Variants in UBE3A observed in about 807,000 individuals in gnomAD.
The protein encoded by UBE3A is ubiquitin-protein ligase E3A.
UBE3A carries 6 observed loss-of-function variants against 83.4 expected under a neutral mutation model. That is an observed-to-expected ratio of 0.07 (90% confidence interval 0.04 to 0.14). The LOEUF (loss-of-function observed/expected upper bound fraction) is 0.14, where lower values mean the gene tolerates loss of function less well. UBE3A is among the 10% of genes least tolerant of loss of function. The pLI is 1.00. For synonymous variants in UBE3A, 337 were observed against 355.4 expected, an observed-to-expected ratio of 0.95 and a Z score of 0.58; for missense variants, 456 against 1,036.1, an observed-to-expected ratio of 0.44 and a Z score of 7.69.
At chr15:25,433,232 G>A (rs912518165) in intron 1 of UBE3A, among the ~76,000 whole-genome samples, 7 of 144,794 alleles carry the variant, frequency 4.8e-5, no homozygotes, top group East Asian at 2.0e-4. Flanking sequence ...TCACTCTGTC[G>A]CCAGGCAGTA....
At chr15:25,429,018 G>A (rs985063035) in intron 1 of UBE3A, among the ~76,000 whole-genome samples, 3 of 152,168 alleles carry the variant, frequency 2.0e-5, no homozygotes, top group African/African-American at 7.2e-5. Flanking sequence ...GTGCCATACA[G>A]CAGTGAAACT....
chr15:25,400,811 C>T (rs182695338), intron 4 of UBE3A, among the ~76,000 whole-genome samples: 1 of 152,260 alleles, frequency 6.6e-6, no homozygotes, highest in East Asian at 1.9e-4. Context: ...TGCCTAATTG[C>T]TCTTGCAAGG....
chr15:25,356,174 T>C (rs1432529601), intron 8 of UBE3A, 118 bp from the exon 9 acceptor site: 7 of 1,272,434 alleles, frequency 5.5e-6, no homozygotes, highest in Non-Finnish European at 6.8e-6. Flanking sequence ...GTAAAAAGTG[T>C]AGACAGTATC....
At chr15:25,345,513 A>G (rs1180142412) in intron 11 of UBE3A, 1 of 152,038 alleles carries the variant, frequency 6.6e-6, no homozygotes, top group Non-Finnish European at 1.5e-5. Context: ...AAAAGCGAAA[A>G]AAGTTATCCT....
At chr15:25,375,878 G>GA in intron 4 of UBE3A, 115 bp from the exon 5 acceptor site, 1 of 1,151,988 alleles carries the variant, frequency 8.7e-7, no homozygotes, top group Non-Finnish European at 1.3e-6. Flanking sequence ...ACCTGTGTAT[G>GA]AAGATGAGAA....
At chr15:25,433,170 C>T (rs573634549) in intron 1 of UBE3A, among the ~76,000 whole-genome samples, 3 of 152,074 alleles carry the variant, frequency 2.0e-5, no homozygotes, top group Admixed American at 6.6e-5. Context: ...ACTAAAAATT[C>T]CCCAAAACAA....
intron 4 of UBE3A, among the ~76,000 whole-genome samples, chr15:25,404,139 T>C (rs1045118740): frequency 1.3e-5 from 2 of 152,202 alleles, no homozygotes; most frequent in Non-Finnish European, 2.9e-5. Context: ...ACAAGTCACA[T>C]GGTTGGGTCA....
chr15:25,413,462 A>G (rs2090359210), intron 1 of UBE3A, among the ~76,000 whole-genome samples: 1 of 152,154 alleles, frequency 6.6e-6, no homozygotes, highest in Non-Finnish European at 1.5e-5. Flanking sequence ...AATGCTACTT[A>G]TTAAAACTGT....
At chr15:25,434,800 A>T (rs1260075155) in intron 1 of UBE3A, among the ~76,000 whole-genome samples, 1 of 152,118 alleles carries the variant, frequency 6.6e-6, no homozygotes. Flanking sequence ...AAAGCTTTGC[A>T]CTCCAATTTC....
intron 1 of UBE3A, among the ~76,000 whole-genome samples, chr15:25,430,558 C>T (rs1893158562): frequency 6.6e-6 from 1 of 151,476 alleles, no homozygotes; most frequent in Admixed American, 6.6e-5. Flanking sequence ...CAGGCATAGG[C>T]AGTAAAACTG....
At chr15:25,437,069 C>G (rs1199911673) in intron 1 of UBE3A, among the ~76,000 whole-genome samples, 2 of 152,058 alleles carry the variant, frequency 1.3e-5, no homozygotes, top group African/African-American at 4.8e-5. Context: ...TTTCTTGAAG[C>G]TATTTCCTTT....
chr15:25,421,179 G>A (rs548251144), intron 1 of UBE3A, among the ~76,000 whole-genome samples: 1 of 152,224 alleles, frequency 6.6e-6, no homozygotes, highest in East Asian at 1.9e-4. Flanking sequence ...TCGCAGATGT[G>A]GTCGTTTAAA....
intron 11 of UBE3A, among the ~76,000 whole-genome samples, chr15:25,340,914 G>A (rs536854715): frequency 2.0e-5 from 3 of 152,192 alleles, no homozygotes; most frequent in Admixed American, 2.0e-4. Flanking sequence ...TTATCCTGTG[G>A]CATTCCTAAA....
Position 25,337,217 on chromosome 15 carries a change from T to TAATA in UBE3A, c.*1916_*1919dup, listed in dbSNP as rs2074011008. The TAATA allele has an allele frequency of 6.6e-6, 1 of 152,196 alleles. No individual in the cohort carries two copies. The highest frequency in any genetic ancestry group is 6.5e-5 in the Admixed American group (1 of 15,276). 9.4% of individuals were successfully genotyped at this position (152,196 alleles called of 1,614,324 possible). A position where few individuals can be genotyped will look rare whatever the true frequency, so the allele number is the denominator to read the frequency against. ...TGTAGAACTTTAATAAATACCATAA[T>TAATA]AATAAAACTTGAGAACTGAAGAGCA... On this transcript the variant is annotated 3_prime_UTR_variant, in exon 13 of 13. Transcript: ENST00000648336.
chr15:25,412,946 T>C (rs531179984), intron 1 of UBE3A: 2 of 420,922 alleles, frequency 4.8e-6, no homozygotes, highest in East Asian at 1.5e-4. Flanking sequence ...TGAATTTTTT[T>C]TTTAATTTTT....
intron 4 of UBE3A, among the ~76,000 whole-genome samples, chr15:25,399,097 A>C (rs2086462695): frequency 6.6e-6 from 1 of 151,844 alleles, no homozygotes; most frequent in Non-Finnish European, 1.5e-5. Flanking sequence ...TATATTTTGC[A>C]TATTAACCCC....
intron 1 of UBE3A, chr15:25,419,037 G>C (rs1191165696): frequency 6.6e-6 from 1 of 152,152 alleles, no homozygotes; most frequent in Non-Finnish European, 1.5e-5. Context: ...GTAATGCTAT[G>C]TAAACAGTTG....
At chr15:25,360,170 T>G (rs1257342879) in intron 7 of UBE3A, among the ~76,000 whole-genome samples, 1 of 152,206 alleles carries the variant, frequency 6.6e-6, no homozygotes, top group Non-Finnish European at 1.5e-5. Flanking sequence ...CATTAGAATA[T>G]TCCTTCTAAG....
In UBE3A at chr15:25,363,788, A is replaced by G. The variant is rs540078538; in HGVS notation, c.1609-3261T>C. Among the ~76,000 whole-genome samples the G allele has an allele frequency of 3.3e-5, 5 of 152,302 alleles. No individual in the cohort carries two copies. The East Asian group carries it at 7.7e-4, about 24-fold the overall frequency. ...GTTCAAATATAAATATGTAAAAAGA[A>G]TAATTTGAAAAGTAGTTGGTAACTG... On this transcript the variant is annotated intron_variant, in intron 6 of 12. Coordinates refer to ENST00000648336, the MANE Select transcript of UBE3A (RefSeq NM_130839.5).
Sources: gnomAD v4.1 joint callset for allele counts (sites outside exome capture counted in the v4.1 genomes callset) on GRCh38, gnomAD v4.1.1 for gene constraint, MANE v1.5 for transcripts, NCBI Gene and HGNC (gene_info 2026-07-23, HGNC 2026-07-21) for gene names.